The following KALRN variants were observed in gnomAD, a reference collection of about 807,000 sequenced individuals.
The protein encoded by KALRN is kalirin.
Under a neutral mutation model 353.7 loss-of-function variants are expected in KALRN, and 70 were observed. That is an observed-to-expected ratio of 0.20 (90% confidence interval 0.16 to 0.24). KALRN has a LOEUF of 0.24. KALRN is among the 10% of genes least tolerant of loss of function. The pLI, the probability that KALRN is intolerant of heterozygous loss-of-function variation, is 1.00. For missense variants in KALRN, 2,791 were observed against 3,756.7 expected (o/e 0.74, Z 6.72); for synonymous variants, 1,391 against 1,434.8 (o/e 0.97, Z 0.69).
At chr3:124,673,688 GTCC>G (rs1206305892) in intron 48 of KALRN, among the ~76,000 whole-genome samples, 2 of 151,996 alleles carry the variant, frequency 1.3e-5, no homozygotes, top group African/African-American at 4.8e-5. Context: ...GAGGCAGCCA[GTCC>G]TCCTAGGAAA....
intron 6 of KALRN, among the ~76,000 whole-genome samples, chr3:124,316,395 A>G (rs1391793174): frequency 1.3e-5 from 2 of 152,128 alleles, no homozygotes; most frequent in Non-Finnish European, 2.9e-5. Flanking sequence ...CTTTCCTCAT[A>G]ATGAAAGCCG....
At chr3:124,528,960 C>T (rs1367489991) in intron 33 of KALRN, among the ~76,000 whole-genome samples, 2 of 152,160 alleles carry the variant, frequency 1.3e-5, no homozygotes, top group South Asian at 2.1e-4. Flanking sequence ...TCTTTTTGTC[C>T]TATCCTGATA....
intron 21 of KALRN, 40 bp from the exon 22 acceptor site, chr3:124,455,137 T>A: frequency 6.2e-7 from 1 of 1,608,676 alleles, no homozygotes; most frequent in Non-Finnish European, 8.5e-7. Context: ...GGCAGGAGAA[T>A]AAATGTAATC....
intron 10 of KALRN, among the ~76,000 whole-genome samples, chr3:124,354,017 A>G (rs57116188): frequency 0.019 from 2,874 of 152,290 alleles, 76 homozygotes; most frequent in African/African-American, 0.065. Context: ...CTTGTGGATA[A>G]CTTCCAGTCA....
rs2063312008 is a variant in KALRN at position 124,719,635 on chromosome 3, A to C, written c.*165A>C. On this transcript the variant is annotated 3_prime_UTR_variant, in exon 60 of 60. Coordinates refer to ENST00000682506, the MANE Select transcript of KALRN (RefSeq NM_001388419.1). The surrounding 1 kb of genome is among the most constrained non-coding windows in gnomAD (Gnocchi z 5.3). The stretch of plus-strand genomic sequence containing the variant: ...AGTGGTTATTCAGGGTCTGAGCAGC[A>C]GTAAAAGTCACCCTAAATCAAGGGG... The C allele has an allele frequency of 7.4e-6, 5 of 672,916 alleles. No homozygotes were observed. The South Asian group carries it at 8.3e-5, about 11-fold the overall frequency. The allele number at this position is 672,916 out of a possible 1,614,324, so 41.7% of individuals were successfully genotyped here. A position where few individuals can be genotyped will look rare whatever the true frequency, so the allele number is the denominator to read the frequency against.
intron 6 of KALRN, among the ~76,000 whole-genome samples, chr3:124,314,355 T>TG (rs1183775740): frequency 2.2e-5 from 1 of 44,776 alleles, no homozygotes; most frequent in African/African-American, 9.1e-5. Context: ...TGTTGTGGGG[T>TG]GGGGGGAGGG....
At chr3:124,496,478 GT>G in intron 33 of KALRN, 65 bp downstream of exon 33, 1 of 1,187,260 alleles carries the variant, frequency 8.4e-7, no homozygotes, top group East Asian at 2.3e-5. Context: ...CCCTGGAGAG[GT>G]ACCCCTAGAG....
At chr3:124,690,991 A>G (rs72968717) in intron 51 of KALRN, among the ~76,000 whole-genome samples, 192 of 152,372 alleles carry the variant, frequency 1.3e-3, no homozygotes, top group African/African-American at 4.6e-3. Flanking sequence ...TGTATTCACC[A>G]ACATTTATTA....
chr3:124,481,837 G>A (rs956683708), intron 27 of KALRN, among the ~76,000 whole-genome samples: 3 of 152,034 alleles, frequency 2.0e-5, no homozygotes, highest in African/African-American at 4.8e-5. Context: ...CTAACCACCC[G>A]GCCACTCCCA....
chr3:124,266,066 G>T (rs992184225), intron 4 of KALRN, among the ~76,000 whole-genome samples: 2 of 152,160 alleles, frequency 1.3e-5, no homozygotes, highest in Non-Finnish European at 2.9e-5. Context: ...AGTGAGCTGA[G>T]ATCGTACTAT....
chr3:124,533,663 CAAAT>C (rs1468304982), intron 33 of KALRN, among the ~76,000 whole-genome samples: 1 of 152,060 alleles, frequency 6.6e-6, no homozygotes. Context: ...AAACCAAAAA[CAAAT>C]AAAGAAACTG....
intron 21 of KALRN, among the ~76,000 whole-genome samples, chr3:124,454,670 T>C (rs1430785819): frequency 3.2e-5 from 2 of 62,986 alleles, no homozygotes; most frequent in Non-Finnish European, 1.1e-4. Flanking sequence ...GAACTGAAAA[T>C]GTTTTTTTTT....
chr3:124,531,731 C>T (rs1484183311), intron 33 of KALRN, among the ~76,000 whole-genome samples: 1 of 152,112 alleles, frequency 6.6e-6, no homozygotes, highest in African/African-American at 2.4e-5. Context: ...TGGTGCTAAG[C>T]CATTCATGAG....
chr3:124,064,648 C>T (rs1279011489), intron 1 of KALRN, among the ~76,000 whole-genome samples: 1 of 152,068 alleles, frequency 6.6e-6, no homozygotes, highest in Non-Finnish European at 1.5e-5. Context: ...CCAAAGGCAC[C>T]ATCTGGTCAT....
At chr3:124,667,285 C>A in intron 47 of KALRN, 102 bp downstream of exon 47, 1 of 1,015,388 alleles carries the variant, frequency 9.8e-7, no homozygotes, top group Non-Finnish European at 1.4e-6. Flanking sequence ...ACCCAGATCA[C>A]ATTTTATAGG....
At chr3:124,410,875 T>C (rs1371565223) in intron 13 of KALRN, among the ~76,000 whole-genome samples, 1 of 152,240 alleles carries the variant, frequency 6.6e-6, no homozygotes, top group East Asian at 1.9e-4. Flanking sequence ...AAAACCTATG[T>C]CCACAGAAAG....
chr3:124,158,695 C>T (rs911243949), intron 1 of KALRN, among the ~76,000 whole-genome samples: 1 of 152,224 alleles, frequency 6.6e-6, no homozygotes, highest in African/African-American at 2.4e-5. Context: ...CACCACCCGC[C>T]AAGCCATGTC....
intron 34 of KALRN, among the ~76,000 whole-genome samples, chr3:124,589,189 T>C (rs902271684): frequency 2.0e-5 from 3 of 152,216 alleles, no homozygotes; most frequent in Admixed American, 1.3e-4. Context: ...AAATATCTCT[T>C]CCTTGGTCCT....
chr3:124,682,254 C>A (rs887506314), intron 51 of KALRN, among the ~76,000 whole-genome samples: 4 of 152,164 alleles, frequency 2.6e-5, no homozygotes, highest in Non-Finnish European at 5.9e-5. Context: ...TTCAAGTGGT[C>A]ATTTGGGGCA....
Sources: allele counts gnomAD v4.1 joint callset (sites outside exome capture counted in the v4.1 genomes callset), GRCh38; gene constraint gnomAD v4.1.1; non-coding constraint Gnocchi (gnomAD v3.1); transcripts MANE v1.5; gene names NCBI Gene and HGNC (gene_info 2026-07-23, HGNC 2026-07-21).